Variants in PTCHD4 observed in about 807,000 individuals in gnomAD.
PTCHD4 encodes patched domain containing 4.
A neutral mutation model predicts 58.1 loss-of-function variants in PTCHD4; 33 were observed. That is an observed-to-expected ratio of 0.57 (90% CI 0.43 to 0.76). The LOEUF (loss-of-function observed/expected upper bound fraction) is 0.76, where lower values mean the gene tolerates loss of function less well. PTCHD4 is among the 30% of genes least tolerant of loss of function. The probability of loss-of-function intolerance (pLI) is 0.00; values close to 1 mark genes in which losing one functional copy is unlikely to be tolerated. For synonymous variants in PTCHD4, 478 were observed against 409.6 expected, an observed-to-expected ratio of 1.17 and a Z score of -2.02; for missense variants, 1,058 against 1,027.1, an observed-to-expected ratio of 1.03 and a Z score of -0.41.
At chr6:48,024,966 C>T (rs1763192655) in intron 3 of PTCHD4, among the ~76,000 whole-genome samples, 1 of 152,164 alleles carries the variant, frequency 6.6e-6, no homozygotes, top group Non-Finnish European at 1.5e-5. Flanking sequence ...CACACGGTTT[C>T]ATTTTGTTTT....
chr6:47,879,642 T>C lies in PTCHD4; in HGVS notation c.1193A>G (p.Tyr398Cys), dbSNP rs373639680. 56 of 1,613,492 alleles carry C rather than the reference T, an allele frequency of 3.5e-5. No individual in the cohort carries two copies. Among genetic ancestry groups the C allele is most frequent in the Non-Finnish European group, 4.6e-5 (54 of 1,179,742 alleles). ...GATCTTACAGCAAAAGATGCTGTGG[T>C]AGCGGTTTTGCTCTAGTTGGCCAGC... ...VFAGQLEQNR[Y>C]HSIFCCKIPS... The change falls in exon 5 of 5, where the codon TAC (tyrosine) becomes TGC (cysteine). Residue 398 changes from tyrosine (Y) to cysteine (C), a missense_variant. Physicochemically the swap from Tyr to Cys is radical, Grantham distance 194. Coordinates refer to ENST00000339488, the MANE Select transcript of PTCHD4 (RefSeq NM_001384253.1).
At chr6:48,090,897 G>T (rs2113902107) in intron 1 of PTCHD4, among the ~76,000 whole-genome samples, 1 of 152,284 alleles carries the variant, frequency 6.6e-6, no homozygotes, top group African/African-American at 2.4e-5. Flanking sequence ...TATTTAAATA[G>T]AGTCCATTTT....
chr6:47,872,342 G>A lies in PTCHD4; in HGVS notation c.*5961C>T, dbSNP rs939135666. Among the ~76,000 whole-genome samples, 2 of 151,482 alleles carry A rather than the reference G, an allele frequency of 1.3e-5. No homozygotes were observed. The highest frequency in any genetic ancestry group is 1.3e-4 in the Admixed American group (2 of 15,170). On this transcript the variant is annotated 3_prime_UTR_variant, in exon 5 of 5. Transcript: ENST00000339488. ...GCATTAGAATTTTTTTCCCCCTCTG[G>A]TTTGACAGAGCCTTGTGGGCAATGT...
chr6:47,874,358 C>A lies in PTCHD4; in HGVS notation c.*3945G>T, dbSNP rs1262278402. On this transcript the variant is annotated 3_prime_UTR_variant, in exon 5 of 5. Coordinates refer to ENST00000339488, the MANE Select transcript of PTCHD4 (RefSeq NM_001384253.1). Reference sequence around the variant, plus strand: ...GAAATTTTAATAAAAGTTGCAATAACCCTGAAAATAGTGTCTTTAATAACC... The same window carrying A: ...GAAATTTTAATAAAAGTTGCAATAAACCTGAAAATAGTGTCTTTAATAACC... 1.3e-5 allele frequency among the ~76,000 whole-genome samples: 2 copies of A among 151,644 alleles called. No homozygotes were observed. The highest frequency in any genetic ancestry group is 4.8e-5 in the African/African-American group (2 of 41,356).
At chr6:48,093,483 A>G (rs930252873) in intron 1 of PTCHD4, among the ~76,000 whole-genome samples, 1 of 151,972 alleles carries the variant, frequency 6.6e-6, no homozygotes, top group African/African-American at 2.4e-5. Flanking sequence ...GGGACTATGC[A>G]GAGGTGGATT....
At position 48,096,480 on chromosome 6, in the gene PTCHD4, C is replaced by T. The variant is rs1303510780; in HGVS notation, c.-970+14569G>A. Among the ~76,000 whole-genome samples the T allele has an allele frequency of 5.3e-5, 8 of 151,824 alleles. No individual in the cohort carries two copies. The East Asian group carries it at 1.2e-3, about 22-fold the overall frequency. ...TACAAAAATTAGCTGGGCGTGGTGG[C>T]GGGCGCCTGTAATCCCAGCTACTCA... On this transcript the variant is annotated intron_variant, in intron 1 of 4. Coordinates refer to ENST00000339488, the MANE Select transcript of PTCHD4 (RefSeq NM_001384253.1).
intron 4 of PTCHD4, among the ~76,000 whole-genome samples, chr6:47,953,423 G>A (rs1331851039): frequency 6.6e-6 from 1 of 152,112 alleles, no homozygotes; most frequent in Non-Finnish European, 1.5e-5. Flanking sequence ...GTACACATCA[G>A]TATCCTACTT....
chr6:47,998,066 G>A (rs1432021317), intron 4 of PTCHD4, among the ~76,000 whole-genome samples: 1 of 152,052 alleles, frequency 6.6e-6, no homozygotes, highest in Non-Finnish European at 1.5e-5. Flanking sequence ...GCTTGATTCA[G>A]TACTGCAGAA....
At chr6:48,080,485 A>T (rs769361617) in intron 1 of PTCHD4, among the ~76,000 whole-genome samples, 4 of 152,194 alleles carry the variant, frequency 2.6e-5, no homozygotes, top group Non-Finnish European at 5.9e-5. Flanking sequence ...TGTAAAATTT[A>T]GTGTAGTCTT....
At chr6:48,044,340 G>C (rs1380254434) in intron 3 of PTCHD4, among the ~76,000 whole-genome samples, 2 of 151,864 alleles carry the variant, frequency 1.3e-5, no homozygotes, top group Non-Finnish European at 1.5e-5. Flanking sequence ...GTATGTAATA[G>C]AAACTTGTAA....
At chr6:47,997,759 A>C (rs1160394966) in intron 4 of PTCHD4, among the ~76,000 whole-genome samples, 1 of 152,192 alleles carries the variant, frequency 6.6e-6, no homozygotes, top group Non-Finnish European at 1.5e-5. Context: ...TGCAAATATA[A>C]GCCACCATGT....
intron 4 of PTCHD4, among the ~76,000 whole-genome samples, chr6:47,997,245 C>CT (rs1225202893): frequency 1.3e-5 from 2 of 151,852 alleles, no homozygotes; most frequent in Non-Finnish European, 2.9e-5. Context: ...TCCTTCCTCT[C>CT]TTTTTTCTTT....
At chr6:47,972,913 A>G (rs1767570484) in intron 4 of PTCHD4, among the ~76,000 whole-genome samples, 1 of 152,176 alleles carries the variant, frequency 6.6e-6, no homozygotes, top group Admixed American at 6.5e-5. Flanking sequence ...TTTTTGAATG[A>G]ATTTTATGGC....
intron 4 of PTCHD4, among the ~76,000 whole-genome samples, chr6:47,949,839 G>A (rs1766568564): frequency 6.6e-6 from 1 of 151,276 alleles, no homozygotes; most frequent in African/African-American, 2.4e-5. Context: ...TCCTTTAGAG[G>A]TGCTAACTAA....
At chr6:47,963,845 T>A (rs1468892449) in intron 4 of PTCHD4, among the ~76,000 whole-genome samples, 1 of 152,254 alleles carries the variant, frequency 6.6e-6, no homozygotes, top group South Asian at 2.1e-4. Flanking sequence ...TAAACTTTAC[T>A]GCTGTAGTAG....
chr6:48,094,822 T>C (rs1765430373), intron 1 of PTCHD4, among the ~76,000 whole-genome samples: 1 of 152,214 alleles, frequency 6.6e-6, no homozygotes, highest in African/African-American at 2.4e-5. Context: ...GAAGTGACTT[T>C]AAGGATTATT....
chr6:47,883,738 G>A (rs1191003002), intron 4 of PTCHD4, among the ~76,000 whole-genome samples: 1 of 152,108 alleles, frequency 6.6e-6, no homozygotes, highest in Non-Finnish European at 1.5e-5. Flanking sequence ...TTTGGAGGAT[G>A]TTTAGCACCA....
rs1039078583 is a variant in PTCHD4, at chr6:47,873,705, G to A, written c.*4598C>T. 1.3e-5 allele frequency among the ~76,000 whole-genome samples: 2 copies of A among 151,566 alleles called. No homozygotes were observed. Among genetic ancestry groups the A allele is most frequent in the Admixed American group, 6.6e-5 (1 of 15,184 alleles). On this transcript the variant is annotated 3_prime_UTR_variant, in exon 5 of 5. Coordinates refer to ENST00000339488, the MANE Select transcript of PTCHD4 (RefSeq NM_001384253.1). ...ATTTAAAATATTAGCATAAAGGTCCGCACCACAGTGATGATGTTCAATTTC... is the reference window on the plus strand; with the variant it reads ...ATTTAAAATATTAGCATAAAGGTCCACACCACAGTGATGATGTTCAATTTC...
At chr6:48,080,205 C>A (rs1438929639) in intron 1 of PTCHD4, among the ~76,000 whole-genome samples, 12 of 152,062 alleles carry the variant, frequency 7.9e-5, no homozygotes, top group South Asian at 2.1e-4. Context: ...GCCTGTCAAA[C>A]AAAGTGAAGA....
Sources: allele counts gnomAD v4.1 joint callset (sites outside exome capture counted in the v4.1 genomes callset), GRCh38; gene constraint gnomAD v4.1.1; transcripts MANE v1.5; gene names NCBI Gene and HGNC (gene_info 2026-07-23, HGNC 2026-07-21).